Variants in RASGRP1 observed in about 807,000 individuals in gnomAD.
RASGRP1 encodes the protein RAS guanyl releasing protein 1.
RASGRP1 carries 37 observed loss-of-function variants against 95.1 expected under a neutral mutation model. The ratio of observed to expected loss-of-function variants is 0.39; its 90% confidence interval spans 0.30 to 0.51. The LOEUF (loss-of-function observed/expected upper bound fraction) is 0.51. Among genes scored for constraint, RASGRP1 ranks in the 20% least tolerant of loss-of-function variants. RASGRP1 has a pLI of 0.80. For missense variants in RASGRP1, 711 were observed against 965.4 expected, an observed-to-expected ratio of 0.74 and a Z score of 3.49; for synonymous variants, 325 against 353.4, an observed-to-expected ratio of 0.92 and a Z score of 0.90.
chr15:38,519,302 A>G lies in RASGRP1; in HGVS notation c.389+7T>C. 6.6e-7 allele frequency: 1 copy of G among 1,520,634 alleles called. No homozygotes were observed. The highest frequency in any genetic ancestry group is 9.1e-7 in the Non-Finnish European group (1 of 1,097,034). The allele number at this position is 1,520,634 out of a possible 1,614,324, so 94.2% of individuals were successfully genotyped here. A position where few individuals can be genotyped will look rare whatever the true frequency, so the allele number is the denominator to read the frequency against. ...ACAAAGTCTTGAAATACATAAAGAA[A>G]CATTACCTTACAAAATAACAGATCT... On this transcript the variant is annotated splice_region_variant and intron_variant, in intron 4 of 16. Transcript: ENST00000310803.
chr15:38,498,650 A>C, intron 15 of RASGRP1, 144 bp downstream of exon 15: 1 of 1,008,488 alleles, frequency 9.9e-7, no homozygotes, highest in South Asian at 1.7e-5. Context: ...CTAAAATCCA[A>C]AACTGTGGGA....
chr15:38,531,583 C>G (rs1012051084), intron 2 of RASGRP1, among the ~76,000 whole-genome samples: 1 of 152,120 alleles, frequency 6.6e-6, no homozygotes, highest in Non-Finnish European at 1.5e-5. Flanking sequence ...TTCACCTTTA[C>G]CTTGCACTGC....
intron 1 of RASGRP1, among the ~76,000 whole-genome samples, chr15:38,560,813 C>T (rs1055063351): frequency 6.6e-6 from 1 of 152,154 alleles, no homozygotes; most frequent in African/African-American, 2.4e-5. Flanking sequence ...GTTGTTCCAG[C>T]ACTCAGTGTA....
intron 15 of RASGRP1, among the ~76,000 whole-genome samples, chr15:38,497,275 T>A (rs1187290073): frequency 6.6e-6 from 1 of 152,170 alleles, no homozygotes; most frequent in African/African-American, 2.4e-5. Context: ...AAGCCCTTCA[T>A]GTTACCCTTT....
chr15:38,529,638 G>A (rs1284597080), intron 2 of RASGRP1, among the ~76,000 whole-genome samples: 1 of 152,082 alleles, frequency 6.6e-6, no homozygotes, highest in Non-Finnish European at 1.5e-5. Context: ...ATCTCCAGTA[G>A]AATACAAGTT....
At chr15:38,496,865 A>G (rs1890812222) in intron 15 of RASGRP1, among the ~76,000 whole-genome samples, 1 of 152,222 alleles carries the variant, frequency 6.6e-6, no homozygotes. Flanking sequence ...GCATGTGGAT[A>G]TTTACCACTG....
intron 12 of RASGRP1, 35 bp downstream of exon 12, chr15:38,502,277 C>G: frequency 6.9e-7 from 1 of 1,445,682 alleles, no homozygotes; most frequent in Non-Finnish European, 9.7e-7. Flanking sequence ...CACCAATGGG[C>G]TCATAACCAC....
chr15:38,544,061 T>C (rs2141172646), intron 2 of RASGRP1, among the ~76,000 whole-genome samples: 1 of 152,328 alleles, frequency 6.6e-6, no homozygotes, highest in East Asian at 1.9e-4. Context: ...AAATTAATCC[T>C]GTTGAAGCTC....
At chr15:38,495,140 G>T (rs1396248481) in intron 15 of RASGRP1, among the ~76,000 whole-genome samples, 1 of 152,100 alleles carries the variant, frequency 6.6e-6, no homozygotes, top group African/African-American at 2.4e-5. Flanking sequence ...TTGGACCCTG[G>T]AATTTGGGAG....
chr15:38,507,650 A>C, intron 9 of RASGRP1, 76 bp downstream of exon 9: 3 of 1,451,714 alleles, frequency 2.1e-6, no homozygotes, highest in Non-Finnish European at 1.9e-6. Flanking sequence ...CTAACAGCTA[A>C]TATTTGGTAA....
At chr15:38,506,504 G>A (rs969961951) in intron 9 of RASGRP1, among the ~76,000 whole-genome samples, 7 of 151,944 alleles carry the variant, frequency 4.6e-5, no homozygotes, top group South Asian at 2.1e-4. Context: ...GCGTGGTGGC[G>A]TGTGCCCGTG....
At chr15:38,531,402 A>G (rs1332407507) in intron 2 of RASGRP1, among the ~76,000 whole-genome samples, 3 of 152,250 alleles carry the variant, frequency 2.0e-5, no homozygotes, top group African/African-American at 7.2e-5. Flanking sequence ...TATGGCTACA[A>G]GTCTAAGAAA....
chr15:38,507,893 G>C lies in RASGRP1; in HGVS notation c.1075C>G (p.Leu359Val), dbSNP rs1891326911. ...TCATACAGGGAGATGAGGTCCTTGA[G>C]ATGCACACCCAGAATGGGGATCTTG... ...DFKIPILGVH[L>V]KDLISLYEAM... Residue 359 changes from leucine (L) to valine (V), a missense_variant, in exon 9 of 17, where the codon CTC becomes GTC. Leu to Val is a conservative substitution (Grantham distance 32, BLOSUM62 1). Transcript: ENST00000310803. 6.2e-7 allele frequency: 1 copy of C among 1,613,592 alleles called. No homozygotes were observed. Among genetic ancestry groups the C allele is most frequent in the Non-Finnish European group, 8.5e-7 (1 of 1,179,840 alleles).
intron 2 of RASGRP1, among the ~76,000 whole-genome samples, chr15:38,542,973 C>T (rs1431068310): frequency 6.9e-6 from 1 of 144,268 alleles, no homozygotes; most frequent in African/African-American, 2.6e-5. Flanking sequence ...ATATATATTC[C>T]CCAAGTATTT....
At chr15:38,526,227 A>G (rs1892214389) in intron 3 of RASGRP1, 72 bp downstream of exon 3, 6 of 1,195,470 alleles carry the variant, frequency 5.0e-6, no homozygotes, top group South Asian at 4.9e-5. Flanking sequence ...AAATAAAAGC[A>G]TACTTCAAAT....
At chr15:38,494,806 G>A in intron 15 of RASGRP1, 39 bp from the exon 16 acceptor site, 5 of 1,360,078 alleles carry the variant, frequency 3.7e-6, no homozygotes, top group Non-Finnish European at 4.8e-6. Flanking sequence ...CTCTAGCTCA[G>A]GAAAGCAGAG....
intron 1 of RASGRP1, among the ~76,000 whole-genome samples, chr15:38,564,260 C>T (rs1893935358): frequency 6.6e-6 from 1 of 152,184 alleles, no homozygotes; most frequent in African/African-American, 2.4e-5. Context: ...GAGTGGGAGT[C>T]CCGATGCCGG....
At chr15:38,542,824 CATATATATGTGTATATAT>C (rs138702986) in intron 2 of RASGRP1, among the ~76,000 whole-genome samples, 147 of 97,356 alleles carry the variant, frequency 1.5e-3, no homozygotes, top group East Asian at 0.011. Flanking sequence ...CAGATATATA[CATATATATGTGTATATAT>C]ATATATGTGT....
intron 8 of RASGRP1, among the ~76,000 whole-genome samples, chr15:38,509,409 T>C (rs1249744209): frequency 2.0e-5 from 3 of 152,196 alleles, no homozygotes; most frequent in Non-Finnish European, 4.4e-5. Flanking sequence ...TTCATCATGC[T>C]ACTCAGCACA....
Sources: allele counts gnomAD v4.1 joint callset (sites outside exome capture counted in the v4.1 genomes callset), GRCh38; gene constraint gnomAD v4.1.1; transcripts MANE v1.5; gene names NCBI Gene and HGNC (gene_info 2026-07-23, HGNC 2026-07-21).